Variants in WDFY1 observed in about 807,000 individuals in gnomAD.
WDFY1 encodes WD repeat and FYVE domain-containing protein 1.
Under a neutral mutation model 56.4 loss-of-function variants are expected in WDFY1, and 32 were observed. The observed-to-expected ratio is 0.57, with a 90% CI of 0.43 to 0.76. The LOEUF (loss-of-function observed/expected upper bound fraction) is 0.76. WDFY1 is among the 30% of genes least tolerant of loss of function. The pLI, the probability that WDFY1 is intolerant of heterozygous loss-of-function variation, is 0.00. For synonymous variants in WDFY1, 192 were observed against 197.3 expected, an observed-to-expected ratio of 0.97 and a Z score of 0.23; for missense variants, 480 against 545.7, an observed-to-expected ratio of 0.88 and a Z score of 1.20.
chr2:223,902,627 A>G (rs1693523903), intron 4 of WDFY1, among the ~76,000 whole-genome samples: 1 of 152,166 alleles, frequency 6.6e-6, no homozygotes. Flanking sequence ...CATATCTCAT[A>G]AGATCTGTCT....
At chr2:223,923,900 T>C (rs1693933462) in intron 1 of WDFY1, among the ~76,000 whole-genome samples, 1 of 152,238 alleles carries the variant, frequency 6.6e-6, no homozygotes, top group Admixed American at 6.5e-5. Context: ...AAACAGCTTA[T>C]GTTTTCCTTT....
chr2:223,937,555 G>A (rs972123473), intron 1 of WDFY1, among the ~76,000 whole-genome samples: 6 of 152,172 alleles, frequency 3.9e-5, no homozygotes, highest in African/African-American at 1.4e-4. Flanking sequence ...ACGGACTCAT[G>A]TCCATTTTGC....
intron 1 of WDFY1, among the ~76,000 whole-genome samples, chr2:223,929,697 G>A (rs1367688558): frequency 6.6e-6 from 1 of 152,132 alleles, no homozygotes; most frequent in African/African-American, 2.4e-5. Flanking sequence ...TGTTGAGAAC[G>A]AGGTGCCACA....
intron 2 of WDFY1, among the ~76,000 whole-genome samples, chr2:223,917,072 C>A (rs580619): frequency 2.6e-5 from 4 of 151,932 alleles, no homozygotes; most frequent in African/African-American, 9.7e-5. Context: ...CCTTGGCCTC[C>A]CAAAGTGCTG....
At chr2:223,882,416 C>T (rs930857189) in intron 9 of WDFY1, among the ~76,000 whole-genome samples, 35 of 152,110 alleles carry the variant, frequency 2.3e-4, no homozygotes, top group African/African-American at 7.5e-4. Context: ...CCTGGCCTAG[C>T]TTTTGCTTTA....
chr2:223,904,576 GA>G (rs1693566388), intron 4 of WDFY1, among the ~76,000 whole-genome samples: 1 of 152,012 alleles, frequency 6.6e-6, no homozygotes, highest in African/African-American at 2.4e-5. Context: ...TTTAAATTTG[GA>G]ACAGGTGAAA....
rs147949836 is a variant in WDFY1, at chr2:223,899,057, T to C, written c.499A>G (p.Thr167Ala). Residue 167 changes from threonine to alanine, a missense_variant, in exon 6 of 12, where the codon ACT becomes GCT. Coordinates refer to ENST00000233055, the MANE Select transcript of WDFY1 (RefSeq NM_020830.5). ...TAATCACCAACGAAAGCATACTGAG[T>C]GTCAAAGTCATATCTGAGGAGAAGC... Reference protein sequence around the residue: ...WASCLQYDFDTQYAFVGDYSG... With the variant: ...WASCLQYDFDAQYAFVGDYSG... The C allele has an allele frequency of 6.2e-7, 1 of 1,613,906 alleles. No individual in the cohort carries two copies. Among genetic ancestry groups the C allele is most frequent in the Admixed American group, 1.7e-5 (1 of 60,002 alleles).
intron 11 of WDFY1, among the ~76,000 whole-genome samples, chr2:223,879,435 C>T (rs1186076089): frequency 2.6e-5 from 4 of 151,798 alleles, no homozygotes; most frequent in South Asian, 2.1e-4. Context: ...ATGGGAGGAT[C>T]GCTTGAGCCG....
intron 1 of WDFY1, among the ~76,000 whole-genome samples, chr2:223,926,913 C>T (rs1693994313): frequency 6.6e-6 from 1 of 152,204 alleles, no homozygotes. Flanking sequence ...AGTGATCTGT[C>T]TGCTTCGGCC....
intron 2 of WDFY1, 94 bp downstream of exon 2, chr2:223,917,849 G>A: frequency 6.9e-7 from 1 of 1,458,134 alleles, no homozygotes; most frequent in Non-Finnish European, 9.5e-7. Context: ...TGGGATTACA[G>A]GTGTGAGCCA....
intron 1 of WDFY1, among the ~76,000 whole-genome samples, chr2:223,935,789 G>C (rs1694159235): frequency 6.6e-6 from 1 of 152,192 alleles, no homozygotes; most frequent in South Asian, 2.1e-4. Flanking sequence ...AGCTCAGAAA[G>C]GACAGAGAAT....
At chr2:223,880,057 C>T in intron 11 of WDFY1, 67 bp downstream of exon 11, 1 of 1,338,960 alleles carries the variant, frequency 7.5e-7, no homozygotes, top group Non-Finnish European at 1.1e-6. Context: ...TGACTGTCTC[C>T]TGCACATTCA....
intron 5 of WDFY1, among the ~76,000 whole-genome samples, chr2:223,900,001 T>A (rs1178998662): frequency 1.3e-5 from 2 of 152,194 alleles, no homozygotes; most frequent in African/African-American, 4.8e-5. Flanking sequence ...CGGTAGTACA[T>A]TTAAATTTAG....
At chr2:223,898,760 A>G (rs557083953) in intron 6 of WDFY1, among the ~76,000 whole-genome samples, 198 bp downstream of exon 6, 1 of 152,304 alleles carries the variant, frequency 6.6e-6, no homozygotes, top group African/African-American at 2.4e-5. Flanking sequence ...CAAGCAATTT[A>G]GAAGGGATTT....
chr2:223,934,701 A>G (rs1163847724), intron 1 of WDFY1, among the ~76,000 whole-genome samples: 1 of 151,574 alleles, frequency 6.6e-6, no homozygotes, highest in East Asian at 2.0e-4. Flanking sequence ...TTGTATTTTT[A>G]GTAGAGATGG....
intron 5 of WDFY1, 137 bp downstream of exon 5, chr2:223,901,046 A>AAATGCAATT: frequency 1.7e-6 from 2 of 1,149,854 alleles, no homozygotes; most frequent in Non-Finnish European, 2.3e-6. Flanking sequence ...GGTAAAAAAA[A>AAATGCAATT]AAATGCAATT....
At chr2:223,894,548 A>T in intron 7 of WDFY1, 1 of 549,336 alleles carries the variant, frequency 1.8e-6, no homozygotes, top group Non-Finnish European at 3.3e-6. Context: ...AAAATATATG[A>T]CTACTTTCAA....
intron 1 of WDFY1, among the ~76,000 whole-genome samples, chr2:223,934,081 CTTTT>C (rs201021204): frequency 0.81 from 110,670 of 136,488 alleles, 44,903 homozygotes; most frequent in Non-Finnish European, 0.9. Context: ...TTTTTCTTTT[CTTTT>C]TTTTTTTTTT....
chr2:223,891,337 C>T (rs890412856), intron 8 of WDFY1, among the ~76,000 whole-genome samples: 7 of 136,810 alleles, frequency 5.1e-5, no homozygotes, highest in African/African-American at 2.0e-4. Context: ...GAGCCGAGAT[C>T]GCACCACTGC....
Sources: gnomAD v4.1 joint callset for allele counts (sites outside exome capture counted in the v4.1 genomes callset) on GRCh38, gnomAD v4.1.1 for gene constraint, MANE v1.5 for transcripts, NCBI Gene and HGNC (gene_info 2026-07-23, HGNC 2026-07-21) for gene names.